The following ORMDL2 variants were observed in gnomAD, a reference collection of about 807,000 sequenced individuals.
ORMDL2 encodes ORM1-like protein 2.
A neutral mutation model predicts 13.5 loss-of-function variants in ORMDL2; 11 were observed. The ratio of observed to expected loss-of-function variants is 0.82; its 90% CI spans 0.51 to 1.35. The LOEUF is 1.35. Ranked by LOEUF, ORMDL2 falls within the 40% of genes most tolerant of loss-of-function variation. The probability of loss-of-function intolerance (pLI) is 0.00; values close to 1 mark genes in which losing one functional copy is unlikely to be tolerated. For missense variants in ORMDL2, 160 were observed against 191.1 expected, an observed-to-expected ratio of 0.84 and a Z score of 0.96; for synonymous variants, 73 against 76.5, an observed-to-expected ratio of 0.95 and a Z score of 0.24.
rs777986920 is a variant in ORMDL2 at position 55,820,333 on chromosome 12, G to A, written c.400G>A (p.Val134Ile). Residue 134 changes from valine (V) to isoleucine (I), a missense_variant, in exon 4 of 4, where the codon GTA (valine) becomes ATA (isoleucine). Val to Ile is a conservative substitution (Grantham distance 29). Coordinates refer to ENST00000243045, the MANE Select transcript of ORMDL2 (RefSeq NM_014182.5). ...FLINTASLLS[V>I]LLPKLPQFHG... ...CATCAACACAGCCTCATTGCTAAGT[G>A]TACTGCTGCCGAAGTTGCCCCAGTT... 5.0e-6 allele frequency: 8 copies of A among 1,613,992 alleles called. No homozygotes were observed. The highest frequency in any genetic ancestry group is 1.7e-5 in the Admixed American group (1 of 59,996).
rs1355611176 is a variant in ORMDL2 at position 55,820,492 on chromosome 12, C to G, written c.*97C>G. 1.5e-6 allele frequency: 2 copies of G among 1,362,298 alleles called. No homozygotes were observed. Among genetic ancestry groups the G allele is most frequent in the Non-Finnish European group, 2.1e-6 (2 of 952,014 alleles). 84.4% of individuals were successfully genotyped at this position (1,362,298 alleles called of 1,614,324 possible). A position where few individuals can be genotyped will look rare whatever the true frequency, so the allele number is the denominator to read the frequency against. ...CTTATTCTCCATACTGTCTTCTACA[C>G]CTTTAAAGCCTGAGAACTATACAAC... On this transcript the variant is annotated 3_prime_UTR_variant, in exon 4 of 4. Coordinates refer to ENST00000243045, the MANE Select transcript of ORMDL2 (RefSeq NM_014182.5).
rs112482009 is a variant in ORMDL2, at chr12:55,819,364, C to T, written c.197C>T (p.Thr66Met). ...CAGGCTACGTATGTCTTCCTTCATA[C>T]GGTGAAAGGGACACCCTTTGAGACT... ...HNLATYVFLH[T>M]VKGTPFETPD... The change falls in exon 3 of 4, where the codon ACG becomes ATG. Residue 66 changes from threonine (T) to methionine (M), a missense_variant. Transcript: ENST00000243045. The T allele has an allele frequency of 4.1e-5, 66 of 1,613,932 alleles. No homozygotes were observed. The highest frequency in any genetic ancestry group is 2.7e-4 in the African/African-American group (20 of 75,028).
intron 3 of ORMDL2, 145 bp from the exon 4 acceptor site, chr12:55,820,115 T>G: frequency 1.4e-6 from 1 of 729,238 alleles, no homozygotes; most frequent in Non-Finnish European, 2.3e-6. Flanking sequence ...AGCCCAGGAG[T>G]TTGAGGTTGT....
At chr12:55,818,743 A>G in intron 1 of ORMDL2, 2 of 478,786 alleles carry the variant, frequency 4.2e-6, no homozygotes, top group Non-Finnish European at 7.5e-6. Context: ...AAGCCTACAC[A>G]TACACCTTCA....
intron 1 of ORMDL2, chr12:55,818,771 A>G (rs1002511602): frequency 3.8e-6 from 2 of 524,856 alleles, no homozygotes; most frequent in Non-Finnish European, 6.8e-6. Context: ...GTTGACGTGT[A>G]AAGATCAGAG....
Position 55,820,422 on chromosome 12 carries a change from G to T in ORMDL2, c.*27G>T. The T allele has an allele frequency of 1.2e-6, 2 of 1,613,466 alleles. No individual in the cohort carries two copies. The highest frequency in any genetic ancestry group is 4.5e-5 in the East Asian group (2 of 44,878). ...GGATGGGTTTTGGGACAGCTCCATG[G>T]GCATGGGGAAGGCACTGAAACAGAG... On this transcript the variant is annotated 3_prime_UTR_variant, in exon 4 of 4. Transcript: ENST00000243045.
chr12:55,820,496 T>A lies in ORMDL2; in HGVS notation c.*101T>A. 2 of 1,356,884 alleles carry A rather than the reference T, an allele frequency of 1.5e-6. No homozygotes were observed. Among genetic ancestry groups the A allele is most frequent in the Non-Finnish European group, 2.1e-6 (2 of 946,946 alleles). The allele number at this position is 1,356,884 out of a possible 1,614,324, so 84.1% of individuals were successfully genotyped here. A position where few individuals can be genotyped will look rare whatever the true frequency, so the allele number is the denominator to read the frequency against. On this transcript the variant is annotated 3_prime_UTR_variant, in exon 4 of 4. Transcript: ENST00000243045. ...TTCTCCATACTGTCTTCTACACCTT[T>A]AAAGCCTGAGAACTATACAACCTTT...
Position 55,819,438 on chromosome 12 carries a change from T to TA in ORMDL2, c.272dup (p.Tyr91Ter). ...RLLTHWEQMDYGLQFTSSRKF... is the reference protein window; with the variant it reads ...RLLTHWEQMD Reference sequence around the variant, plus strand: ...ACTGACACACTGGGAGCAAATGGACTATGGGCTCCAGTTTACCTCTTCCCG... The same window carrying TA: ...ACTGACACACTGGGAGCAAATGGACTAATGGGCTCCAGTTTACCTCTTCCCG... The change falls in exon 3 of 4, where the codon TAT becomes TAAT. Residue 91 changes from tyrosine to a stop codon, truncating the protein, a stop_gained and frameshift_variant. Transcript: ENST00000243045. LOFTEE classifies it high-confidence loss of function. 1 of 1,614,046 alleles carries TA rather than the reference T, an allele frequency of 6.2e-7. No individual in the cohort carries two copies. Among genetic ancestry groups the TA allele is most frequent in the Non-Finnish European group, 8.5e-7 (1 of 1,179,884 alleles).
rs1222078589 is a variant in ORMDL2, at chr12:55,819,574, T to TA, written c.326+86dup. The TA allele has an allele frequency of 6.6e-5, 84 of 1,282,104 alleles. 1 individual carries two copies. The Admixed American group carries it at 1.8e-3, about 27-fold the overall frequency. 79.4% of individuals were successfully genotyped at this position (1,282,104 alleles called of 1,614,324 possible). A position where few individuals can be genotyped will look rare whatever the true frequency, so the allele number is the denominator to read the frequency against. Reference sequence around the variant, plus strand: ...GTAGAAAGGCCCATAGGGAAGCTGTTAAAAAGCAGACTTCTCATCTAAAAC... The same window carrying TA: ...GTAGAAAGGCCCATAGGGAAGCTGTTAAAAAAGCAGACTTCTCATCTAAAAC... On this transcript the variant is annotated intron_variant, in intron 3 of 3. Coordinates refer to ENST00000243045, the MANE Select transcript of ORMDL2 (RefSeq NM_014182.5).
rs1484868908 is a variant in ORMDL2, at chr12:55,820,422, G to C, written c.*27G>C. 1.9e-6 allele frequency: 3 copies of C among 1,613,466 alleles called. No individual in the cohort carries two copies. The highest frequency in any genetic ancestry group is 2.5e-6 in the Non-Finnish European group (3 of 1,179,416). On this transcript the variant is annotated 3_prime_UTR_variant, in exon 4 of 4. Transcript: ENST00000243045. ...GGATGGGTTTTGGGACAGCTCCATG[G>C]GCATGGGGAAGGCACTGAAACAGAG...
In ORMDL2 at chr12:55,820,461, C is replaced by A. The variant is rs1056017638; in HGVS notation, c.*66C>A. ...ACTGAAACAGAGGACTATAAAACAT[C>A]CTTCTCTTATTCTCCATACTGTCTT... On this transcript the variant is annotated 3_prime_UTR_variant, in exon 4 of 4. Coordinates refer to ENST00000243045, the MANE Select transcript of ORMDL2 (RefSeq NM_014182.5). The A allele has an allele frequency of 6.5e-7, 1 of 1,536,088 alleles. No homozygotes were observed. Among genetic ancestry groups the A allele is most frequent in the Admixed American group, 1.7e-5 (1 of 59,874 alleles).
rs145894501 is a variant in ORMDL2, at chr12:55,820,400, T to C, written c.*5T>C. The C allele has an allele frequency of 6.6e-4, 1,073 of 1,614,106 alleles. 8 individuals carry two copies. The African/African-American group carries it at 0.013, about 19-fold the overall frequency. ...TTTGGCATCAACAAATACTGAGGGA[T>C]GGGTTTTGGGACAGCTCCATGGGCA... On this transcript the variant is annotated 3_prime_UTR_variant, in exon 4 of 4. Transcript: ENST00000243045.
At chr12:55,818,555 C>T (rs1880576508) in intron 1 of ORMDL2, 1 of 185,938 alleles carries the variant, frequency 5.4e-6, no homozygotes, top group Non-Finnish European at 1.2e-5. Context: ...TGGACAAGCC[C>T]CAGAGAACAA....
At chr12:55,818,896 A>C (rs1880584734) in intron 1 of ORMDL2, 103 bp from the exon 2 acceptor site, 1 of 932,524 alleles carries the variant, frequency 1.1e-6, no homozygotes, top group East Asian at 2.5e-5. Flanking sequence ...TTCCCAATAG[A>C]GTTCAGGGGA....
chr12:55,820,577 G>C lies in ORMDL2; in HGVS notation c.*182G>C, dbSNP rs1880639753. On this transcript the variant is annotated 3_prime_UTR_variant, in exon 4 of 4. Coordinates refer to ENST00000243045, the MANE Select transcript of ORMDL2 (RefSeq NM_014182.5). ...AAATGGGGCTCCTGGGCCCAGTCCT[G>C]CTAGTGGCAAGTTTCTTTGAATCAG... The C allele has an allele frequency of 1.5e-6, 1 of 675,184 alleles. No individual in the cohort carries two copies. The highest frequency in any genetic ancestry group is 1.8e-5 in the African/African-American group (1 of 55,510). 41.8% of individuals were successfully genotyped at this position (675,184 alleles called of 1,614,324 possible).
chr12:55,818,867 G>T (rs997968281), intron 1 of ORMDL2, 132 bp from the exon 2 acceptor site: 2 of 706,338 alleles, frequency 2.8e-6, no homozygotes, highest in Non-Finnish European at 4.7e-6. Flanking sequence ...TATTTTCTGC[G>T]TGATGGGTAA....
intron 3 of ORMDL2, 146 bp from the exon 4 acceptor site, chr12:55,820,114 G>A: frequency 1.4e-6 from 1 of 730,940 alleles, no homozygotes; most frequent in East Asian, 2.5e-5. Context: ...GAGCCCAGGA[G>A]TTTGAGGTTG....
chr12:55,819,589 T>TAAAACTTTTCTTA, intron 3 of ORMDL2, 96 bp downstream of exon 3: 3 of 1,095,090 alleles, frequency 2.7e-6, no homozygotes, highest in Non-Finnish European at 4.0e-6. Flanking sequence ...AGCAGACTTC[T>TAAAACTTTTCTTA]CATCTAAAAC....
In ORMDL2 at chr12:55,818,042, T is replaced by G. The variant is rs750655204; in HGVS notation, c.-72T>G. 3.5e-6 allele frequency: 2 copies of G among 578,834 alleles called. No individual in the cohort carries two copies. The highest frequency in any genetic ancestry group is 3.7e-5 in the African/African-American group (2 of 54,258). 35.9% of individuals were successfully genotyped at this position (578,834 alleles called of 1,614,324 possible). On this transcript the variant is annotated 5_prime_UTR_variant, in exon 1 of 4. Coordinates refer to ENST00000243045, the MANE Select transcript of ORMDL2 (RefSeq NM_014182.5). ...TAGGAAAGGGGCAGAAGGAGAGGCG[T>G]TACTTCCTGGAGACTTCAGGTGTGG...
Sources: allele counts gnomAD v4.1 joint callset, GRCh38; gene constraint gnomAD v4.1.1; transcripts MANE v1.5; gene names NCBI Gene and HGNC (gene_info 2026-07-23, HGNC 2026-07-21).